The following POU2F3 variants were observed in gnomAD, a reference collection of about 807,000 sequenced individuals.
The protein encoded by POU2F3 is POU class 2 homeobox 3, also known as POU domain, class 2, transcription factor 3.
A neutral mutation model predicts 59.2 loss-of-function variants in POU2F3; 23 were observed. The ratio of observed to expected loss-of-function variants is 0.39; its 90% CI spans 0.28 to 0.55. The LOEUF is 0.55. Ranked by LOEUF, POU2F3 falls within the 20% of genes least tolerant of loss-of-function variation. POU2F3 has a pLI of 0.66. For missense variants in POU2F3, 473 were observed against 544.5 expected (o/e 0.87, Z 1.31); for synonymous variants, 190 against 214.6 (o/e 0.89, Z 1.00).
intron 3 of POU2F3, among the ~76,000 whole-genome samples, chr11:120,283,418 T>C (rs140585661): frequency 1.1e-4 from 16 of 152,284 alleles, no homozygotes; most frequent in African/African-American, 3.9e-4. Flanking sequence ...CAGCATCCAG[T>C]GGGCTGCCCC....
intron 2 of POU2F3, among the ~76,000 whole-genome samples, chr11:120,268,168 G>A (rs1460103695): frequency 1.3e-5 from 2 of 152,032 alleles, no homozygotes; most frequent in Admixed American, 1.3e-4. Flanking sequence ...ACTGGAAAAA[G>A]TGGGATAGAA....
chr11:120,293,232 G>A lies in POU2F3; in HGVS notation c.133-5033G>A, dbSNP rs141887180. 2.8e-3 allele frequency among the ~76,000 whole-genome samples: 419 copies of A among 152,264 alleles called. 1 individual carries two copies. Among genetic ancestry groups the A allele is most frequent in the Middle Eastern group, 6.8e-3 (2 of 294 alleles). On this transcript the variant is annotated intron_variant, in intron 3 of 12. Coordinates refer to ENST00000543440, the MANE Select transcript of POU2F3 (RefSeq NM_014352.4). ...GATTAGAGTCCAGGGGCTGGATGAG[G>A]TCATCTCCCCAAGCACTTCCTAGAG...
intron 2 of POU2F3, among the ~76,000 whole-genome samples, chr11:120,255,269 G>A (rs1939287066): frequency 6.6e-6 from 1 of 152,174 alleles, no homozygotes. Context: ...ACCCCACTGG[G>A]CACCTCAGCT....
Position 120,286,821 on chromosome 11 carries a change from C to CT in POU2F3, c.133-11434dup, listed in dbSNP as rs138754962. Among the ~76,000 whole-genome samples the CT allele has an allele frequency of 1.0e-3, 155 of 148,926 alleles. No homozygotes were observed. The South Asian group carries it at 0.016, about 16-fold the overall frequency. ...CTTCCCTTCCTGCTATATGTTTGAG[C>CT]TTTTTTTTTTGTGAATCTTGATGTC... is the stretch of plus-strand genomic sequence containing the variant. On this transcript the variant is annotated intron_variant, in intron 3 of 12. Coordinates refer to ENST00000543440, the MANE Select transcript of POU2F3 (RefSeq NM_014352.4).
intron 4 of POU2F3, 99 bp from the exon 5 acceptor site, chr11:120,299,525 T>C: frequency 9.6e-7 from 1 of 1,038,658 alleles, no homozygotes; most frequent in South Asian, 1.6e-5. Context: ...GCAAAGTCTC[T>C]GAGTCTGGAG....
At position 120,247,368 on chromosome 11, in the gene POU2F3, C is replaced by G. The variant is rs141886887; in HGVS notation, c.97+851C>G. ...AAAATCTTTTTCAAATCTTGTAGAG[C>G]AGTGTAGTTCCATTCTTGAAGCTAT... is the stretch of plus-strand genomic sequence containing the variant. On this transcript the variant is annotated intron_variant, in intron 2 of 12. Coordinates refer to ENST00000543440, the MANE Select transcript of POU2F3 (RefSeq NM_014352.4). 1.4e-4 allele frequency among the ~76,000 whole-genome samples: 22 copies of G among 152,254 alleles called. No individual in the cohort carries two copies. The East Asian group carries it at 4.2e-3, about 29-fold the overall frequency.
chr11:120,290,549 TAG>T (rs1376993069), intron 3 of POU2F3, among the ~76,000 whole-genome samples: 1 of 152,198 alleles, frequency 6.6e-6, no homozygotes, highest in East Asian at 1.9e-4. Flanking sequence ...AATAACCATG[TAG>T]AGAGTCAGGC....
Position 120,318,430 on chromosome 11 carries a change from T to G in POU2F3, c.*38T>G. 6.5e-7 allele frequency: 1 copy of G among 1,540,798 alleles called. No homozygotes were observed. Among genetic ancestry groups the G allele is most frequent in the South Asian group, 1.1e-5 (1 of 89,478 alleles). ...TCTCCTACTCCAGCTGGCCCTGTATTCCCCCTGGAAGGAAGGGAATCATGC... is the reference window on the plus strand; with the variant it reads ...TCTCCTACTCCAGCTGGCCCTGTATGCCCCCTGGAAGGAAGGGAATCATGC... On this transcript the variant is annotated 3_prime_UTR_variant, in exon 13 of 13. Coordinates refer to ENST00000543440, the MANE Select transcript of POU2F3 (RefSeq NM_014352.4).
At chr11:120,261,146 T>A (rs1188726346) in intron 2 of POU2F3, 8 of 140,820 alleles carry the variant, frequency 5.7e-5, no homozygotes, top group African/African-American at 2.1e-4. Flanking sequence ...GACATGGTTT[T>A]TTTTTTTGTT....
chr11:120,243,284 A>G (rs1317864138), intron 1 of POU2F3, among the ~76,000 whole-genome samples: 6 of 152,154 alleles, frequency 3.9e-5, no homozygotes, highest in African/African-American at 1.4e-4. Context: ...GAAGATGGAC[A>G]CTAGGAGAGA....
At chr11:120,310,120 G>A (rs1440831268) in intron 10 of POU2F3, among the ~76,000 whole-genome samples, 2 of 152,184 alleles carry the variant, frequency 1.3e-5, no homozygotes, top group Non-Finnish European at 2.9e-5. Flanking sequence ...CTGCTATGTG[G>A]GGAATAATCT....
chr11:120,310,885 A>G (rs1379733793), intron 10 of POU2F3, among the ~76,000 whole-genome samples: 1 of 152,250 alleles, frequency 6.6e-6, no homozygotes, highest in Non-Finnish European at 1.5e-5. Context: ...AGGTAAATAA[A>G]CGAATGGAAA....
chr11:120,276,189 G>A (rs1331802234), intron 3 of POU2F3, among the ~76,000 whole-genome samples: 1 of 152,178 alleles, frequency 6.6e-6, no homozygotes, highest in East Asian at 1.9e-4. Context: ...CACTGAGCCT[G>A]AGAGAGCAAG....
At chr11:120,262,333 A>G (rs969539112) in intron 2 of POU2F3, among the ~76,000 whole-genome samples, 1 of 152,224 alleles carries the variant, frequency 6.6e-6, no homozygotes, top group Non-Finnish European at 1.5e-5. Flanking sequence ...TTTATTTTCA[A>G]TATCTTTTTA....
chr11:120,276,095 G>A (rs1175608112), intron 3 of POU2F3, among the ~76,000 whole-genome samples: 2 of 152,206 alleles, frequency 1.3e-5, no homozygotes, highest in African/African-American at 4.8e-5. Context: ...AGGCCCTGGA[G>A]TTGGCAACGG....
chr11:120,245,677 A>G (rs1166309964), intron 1 of POU2F3, among the ~76,000 whole-genome samples: 1 of 152,076 alleles, frequency 6.6e-6, no homozygotes, highest in Non-Finnish European at 1.5e-5. Flanking sequence ...GTTAAGGGTA[A>G]ATGTTTAATT....
At chr11:120,249,214 A>G (rs753319290) in intron 2 of POU2F3, among the ~76,000 whole-genome samples, 9 of 152,184 alleles carry the variant, frequency 5.9e-5, no homozygotes, top group Non-Finnish European at 1.3e-4. Context: ...CGAGCTCAGA[A>G]TGTCTTTGCA....
intron 2 of POU2F3, among the ~76,000 whole-genome samples, chr11:120,261,518 C>A (rs1006090464): frequency 1.3e-5 from 2 of 152,192 alleles, no homozygotes; most frequent in Non-Finnish European, 2.9e-5. Context: ...GCTGTTGGCC[C>A]TTCCTACTTG....
At chr11:120,248,316 G>A (rs1938952610) in intron 2 of POU2F3, among the ~76,000 whole-genome samples, 1 of 152,178 alleles carries the variant, frequency 6.6e-6, no homozygotes, top group Non-Finnish European at 1.5e-5. Context: ...AAAATTTGCA[G>A]CTCCACTGCT....
Sources: gnomAD v4.1 joint callset for allele counts (sites outside exome capture counted in the v4.1 genomes callset) on GRCh38, gnomAD v4.1.1 for gene constraint, MANE v1.5 for transcripts, NCBI Gene and HGNC (gene_info 2026-07-23, HGNC 2026-07-21) for gene names.